The following PMFBP1 variants were observed in gnomAD, a reference collection of about 807,000 sequenced individuals.
PMFBP1 encodes the protein polyamine-modulated factor 1-binding protein 1.
Under a neutral mutation model 137.8 loss-of-function variants are expected in PMFBP1, and 131 were observed. That is an observed-to-expected ratio of 0.95 (90% CI 0.82 to 1.10). The LOEUF is 1.10. Among genes scored for constraint, PMFBP1 ranks in the 50% least tolerant of loss-of-function variants. The probability of loss-of-function intolerance (pLI) is 0.00; values close to 1 mark genes in which losing one functional copy is unlikely to be tolerated. For missense variants in PMFBP1, 1,199 were observed against 1,175.4 expected (o/e 1.02, Z -0.29); for synonymous variants, 490 against 450.4 (o/e 1.09, Z -1.11).
At chr16:72,126,837 G>C (rs1400497780) in intron 14 of PMFBP1, among the ~76,000 whole-genome samples, 1 of 152,156 alleles carries the variant, frequency 6.6e-6, no homozygotes, top group Non-Finnish European at 1.5e-5. Context: ...CTGGGTTGAG[G>C]TCCAGGTTCT....
At chr16:72,123,504 C>G in intron 18 of PMFBP1, 42 bp downstream of exon 18, 1 of 1,586,194 alleles carries the variant, frequency 6.3e-7, no homozygotes, top group Non-Finnish European at 8.6e-7. Context: ...TCGGCTCAGT[C>G]CAGGCCTCGG....
At chr16:72,128,906 C>A in intron 13 of PMFBP1, 112 bp from the exon 14 acceptor site, 1 of 1,515,234 alleles carries the variant, frequency 6.6e-7, no homozygotes, top group African/African-American at 1.4e-5. Context: ...CCTGCGGGAG[C>A]TCAGGCATTC....
Position 72,128,717 on chromosome 16 carries a change from C to T in PMFBP1, c.2028G>A (p.Leu676=). Residue 676 remains leucine, a synonymous_variant, in exon 14 of 21, where the codon CTG becomes CTA. Coordinates refer to ENST00000237353, the MANE Select transcript of PMFBP1 (RefSeq NM_031293.3). ...RAELQCCSTQ[L]ESSLNKYNTS... is the part of the protein sequence containing the mutation. ...TGTTGTATTTGTTGAGAGAGGATTC[C>T]AGTTGTGTAGAACAACACTGTAGCT... 1 of 1,614,148 alleles carries T rather than the reference C, an allele frequency of 6.2e-7. No homozygotes were observed. Among genetic ancestry groups the T allele is most frequent in the East Asian group, 2.2e-5 (1 of 44,876 alleles).
chr16:72,132,416 A>G (rs763822313), intron 10 of PMFBP1, among the ~76,000 whole-genome samples: 19 of 152,214 alleles, frequency 1.2e-4, no homozygotes, highest in Non-Finnish European at 2.2e-4. Context: ...GAATTGTGTG[A>G]TGAGGGCCTG....
chr16:72,193,724 GA>G, the PMFBP1 span, among the ~76,000 whole-genome samples: 72,420 of 134,664 alleles, frequency 0.54, 18,470 homozygotes, highest in South Asian at 0.62. Flanking sequence ...TATCAGTGAG[GA>G]AAAAAAAAAA....
chr16:72,182,271 A>G, the PMFBP1 span, among the ~76,000 whole-genome samples: 1 of 152,146 alleles, frequency 6.6e-6, no homozygotes. Context: ...AATGTGGGCA[A>G]ATGGCTTTGA....
chr16:72,214,423 C>T, the PMFBP1 span, among the ~76,000 whole-genome samples: 1 of 152,326 alleles, frequency 6.6e-6, no homozygotes, highest in South Asian at 2.1e-4. Flanking sequence ...GATCCACCCG[C>T]CTCAGCTTCC....
the PMFBP1 span, among the ~76,000 whole-genome samples, chr16:72,248,423 G>A: frequency 6.6e-6 from 1 of 152,092 alleles, no homozygotes; most frequent in Non-Finnish European, 1.5e-5. Flanking sequence ...ATATGGACCT[G>A]GGATAGGAAA....
At chr16:72,143,695 A>G (rs1441427382) in intron 5 of PMFBP1, among the ~76,000 whole-genome samples, 1 of 151,592 alleles carries the variant, frequency 6.6e-6, no homozygotes, top group East Asian at 1.9e-4. Flanking sequence ...GTGAGCAGAG[A>G]TTGCCTCACT....
chr16:72,227,597 T>C, the PMFBP1 span, among the ~76,000 whole-genome samples: 1 of 152,208 alleles, frequency 6.6e-6, no homozygotes, highest in Non-Finnish European at 1.5e-5. Flanking sequence ...TTTGAAAATA[T>C]GATTTCAAAG....
upstream of PMFBP1, among the ~76,000 whole-genome samples, chr16:72,174,993 C>T (rs906167461): frequency 2.0e-5 from 3 of 152,160 alleles, no homozygotes; most frequent in Admixed American, 6.5e-5. Flanking sequence ...CATCAAGACA[C>T]AAACACATGC....
intron 3 of PMFBP1, among the ~76,000 whole-genome samples, chr16:72,156,906 G>A (rs36125653): frequency 0.07 from 10,642 of 151,770 alleles, 461 homozygotes; most frequent in Non-Finnish European, 0.098. Flanking sequence ...AGACAAAATC[G>A]GCTGGGTGCG....
chr16:72,123,477 G>A (rs1021814472), intron 18 of PMFBP1, 69 bp downstream of exon 18: 1 of 1,356,092 alleles, frequency 7.4e-7, no homozygotes, highest in Non-Finnish European at 1.0e-6. Flanking sequence ...ACTAATCTTT[G>A]GCACGCATGT....
the PMFBP1 span, among the ~76,000 whole-genome samples, chr16:72,202,081 T>C: frequency 6.6e-6 from 1 of 152,220 alleles, no homozygotes; most frequent in Non-Finnish European, 1.5e-5. Flanking sequence ...ACTAGCATGG[T>C]TCATTGTATA....
chr16:72,245,688 C>T, the PMFBP1 span, among the ~76,000 whole-genome samples: 1 of 152,204 alleles, frequency 6.6e-6, no homozygotes, highest in Non-Finnish European at 1.5e-5. Context: ...CCTGCTGTCA[C>T]AGGTGTAGTG....
intron 5 of PMFBP1, among the ~76,000 whole-genome samples, chr16:72,144,978 A>C (rs2042783095): frequency 6.6e-6 from 1 of 152,218 alleles, no homozygotes; most frequent in African/African-American, 2.4e-5. Context: ...CCAATGAGAC[A>C]GAAAATTAAC....
chr16:72,148,197 A>C (rs1204172814), intron 5 of PMFBP1, among the ~76,000 whole-genome samples: 4 of 152,242 alleles, frequency 2.6e-5, no homozygotes, highest in Admixed American at 2.6e-4. Flanking sequence ...GCCATAAAAA[A>C]GGATGAGTTC....
intron 19 of PMFBP1, among the ~76,000 whole-genome samples, chr16:72,120,824 G>A (rs1156627989): frequency 1.3e-5 from 2 of 152,182 alleles, no homozygotes; most frequent in African/African-American, 2.4e-5. Context: ...TTGAGACCAG[G>A]GGCAAGTTAC....
rs1179962716 is a variant in PMFBP1 at position 72,171,177 on chromosome 16, A to G, written c.12+20T>C. ...AATGAATATTCAACTCCATGCATGT[A>G]GAGGAGTTAGGAGCCTTACCTCATC... On this transcript the variant is annotated intron_variant, in intron 2 of 20. Coordinates refer to ENST00000237353, the MANE Select transcript of PMFBP1 (RefSeq NM_031293.3). 6.2e-7 allele frequency: 1 copy of G among 1,611,444 alleles called. No homozygotes were observed. The highest frequency in any genetic ancestry group is 8.5e-7 in the Non-Finnish European group (1 of 1,177,584).
Sources: gnomAD v4.1 joint callset for allele counts (sites outside exome capture counted in the v4.1 genomes callset) on GRCh38, gnomAD v4.1.1 for gene constraint, MANE v1.5 for transcripts, NCBI Gene and HGNC (gene_info 2026-07-23, HGNC 2026-07-21) for gene names.